Variants in ZMYM2 observed in about 807,000 individuals in gnomAD.
ZMYM2 encodes zinc finger MYM-type protein 2.
ZMYM2 carries 56 observed loss-of-function variants against 162.8 expected under a neutral mutation model. The ratio of observed to expected loss-of-function variants is 0.34; its 90% CI spans 0.28 to 0.43. The LOEUF is 0.43. Among genes scored for constraint, ZMYM2 ranks in the 20% least tolerant of loss-of-function variants. The pLI is 1.00. For missense variants in ZMYM2, 1,275 were observed against 1,621.8 expected (o/e 0.79, Z 3.67); for synonymous variants, 510 against 541.6 (o/e 0.94, Z 0.81).
At chr13:20,055,604 T>C (rs1281964166) in intron 14 of ZMYM2, among the ~76,000 whole-genome samples, 1 of 152,216 alleles carries the variant, frequency 6.6e-6, no homozygotes, top group African/African-American at 2.4e-5. Context: ...TAGAAAAGTT[T>C]CATTTAGGCA....
the ZMYM2 span, among the ~76,000 whole-genome samples, chr13:19,912,565 C>T: frequency 6.6e-6 from 1 of 152,094 alleles, no homozygotes; most frequent in Admixed American, 6.6e-5. Context: ...AACTCCTGGG[C>T]TTAAGTGATC....
At chr13:20,035,404 A>G (rs1237449491) in intron 11 of ZMYM2, among the ~76,000 whole-genome samples, 1 of 152,240 alleles carries the variant, frequency 6.6e-6, no homozygotes, top group African/African-American at 2.4e-5. Context: ...TGGAATGGAA[A>G]GTAACCATGT....
chr13:20,072,108 T>A (rs1446798961), intron 21 of ZMYM2: 1 of 160,032 alleles, frequency 6.2e-6, no homozygotes, highest in African/African-American at 2.4e-5. Context: ...CAGCCCCCTT[T>A]CTGGCCGGTT....
At chr13:19,897,556 T>TA in the ZMYM2 span, among the ~76,000 whole-genome samples, 176 of 134,250 alleles carry the variant, frequency 1.3e-3, no homozygotes, top group African/African-American at 4.0e-3. Flanking sequence ...CGCACAATAT[T>TA]AAAAAAAAAA....
chr13:20,021,732 C>T (rs1358577783), intron 7 of ZMYM2, among the ~76,000 whole-genome samples: 4 of 152,122 alleles, frequency 2.6e-5, no homozygotes, highest in Middle Eastern at 6.3e-3. Flanking sequence ...CTAATGCTTT[C>T]TTGTGGTTCT....
chr13:19,864,867 C>T, the ZMYM2 span: 1 of 152,282 alleles, frequency 6.6e-6, no homozygotes, highest in Non-Finnish European at 1.5e-5. Flanking sequence ...ACACCTACGT[C>T]TTCGGCGGAT....
chr13:20,054,112 C>T (rs545968045), intron 14 of ZMYM2, among the ~76,000 whole-genome samples: 20 of 152,248 alleles, frequency 1.3e-4, no homozygotes, highest in Admixed American at 3.3e-4. Flanking sequence ...ATAAAGTCCT[C>T]TCCCATCTTT....
chr13:20,015,061 T>A (rs1951510974), intron 6 of ZMYM2, among the ~76,000 whole-genome samples: 1 of 152,106 alleles, frequency 6.6e-6, no homozygotes. Flanking sequence ...GTGCCTGGAC[T>A]TACTTTCTTT....
the ZMYM2 span, among the ~76,000 whole-genome samples, chr13:19,906,981 A>T: frequency 3.1e-3 from 473 of 152,166 alleles, 2 homozygotes; most frequent in African/African-American, 0.011. Flanking sequence ...CTGCCTTGGC[A>T]TCCCAAAATG....
chr13:19,946,452 A>G, the ZMYM2 span, among the ~76,000 whole-genome samples: 1 of 152,210 alleles, frequency 6.6e-6, no homozygotes, highest in South Asian at 2.1e-4. Context: ...TGGTTCTTCT[A>G]AACAGTGGTT....
At chr13:19,991,108 T>C (rs1462823692) in intron 2 of ZMYM2, among the ~76,000 whole-genome samples, 2 of 149,442 alleles carry the variant, frequency 1.3e-5, no homozygotes, top group African/African-American at 2.4e-5. Context: ...TGTGTGTGTG[T>C]GTGTGTACGT....
In ZMYM2 at chr13:19,963,744, TATTA is replaced by T. The variant is rs201267450; in HGVS notation, c.-11+3722_-11+3725del. Among the ~76,000 whole-genome samples the T allele has an allele frequency of 3.1e-3, 470 of 152,262 alleles. 5 individuals carry two copies. Among genetic ancestry groups the T allele is most frequent in the African/African-American group, 0.011 (446 of 41,550 alleles). On this transcript the variant is annotated intron_variant, in intron 2 of 24. Coordinates refer to ENST00000610343, the MANE Select transcript of ZMYM2 (RefSeq NM_197968.4). Reference sequence around the variant, plus strand: ...GTTGTTTTTGTGCATATTTAAGATATATTAATTTTTTTTGGATCAAGCTTTACAC... The same window carrying T: ...GTTGTTTTTGTGCATATTTAAGATATATTTTTTTTGGATCAAGCTTTACAC...
chr13:19,874,397 T>C, the ZMYM2 span, among the ~76,000 whole-genome samples: 8 of 152,162 alleles, frequency 5.3e-5, no homozygotes, highest in South Asian at 1.2e-3. Flanking sequence ...TATTTATTTA[T>C]GTATTTATTT....
In ZMYM2 at chr13:20,036,887, A is replaced by T; in HGVS notation, c.2270A>T (p.Lys757Ile). The T allele has an allele frequency of 6.2e-7, 1 of 1,609,650 alleles. No individual in the cohort carries two copies. The highest frequency in any genetic ancestry group is 8.5e-7 in the Non-Finnish European group (1 of 1,178,124). The change falls in exon 12 of 25, where the codon AAA becomes ATA. Residue 757 changes from lysine (K) to isoleucine (I), a missense_variant. This residue lies in a region of ZMYM2 where 177 missense variants were observed against 228.0 expected (regional missense o/e 0.78). Transcript: ENST00000610343. ...TTCTGCAGTGAAGATTGCTGTAAAA[A>T]ATTTCAGGATTGGTACTACAAGGCG... Reference protein sequence around the residue: ...RDFCSEDCCKKFQDWYYKAAR... With the variant: ...RDFCSEDCCKIFQDWYYKAAR...
At chr13:19,922,914 C>T in the ZMYM2 span, among the ~76,000 whole-genome samples, 8 of 150,980 alleles carry the variant, frequency 5.3e-5, no homozygotes, top group African/African-American at 1.5e-4. Flanking sequence ...CCTAGTTACT[C>T]GGGAGGCTGA....
At chr13:19,918,920 T>A in the ZMYM2 span, among the ~76,000 whole-genome samples, 12 of 152,316 alleles carry the variant, frequency 7.9e-5, no homozygotes, top group South Asian at 2.5e-3. Context: ...TTTTGTCATA[T>A]CTGCAGATTA....
chr13:19,954,365 C>T (rs1314708054), upstream of ZMYM2, among the ~76,000 whole-genome samples: 1 of 151,860 alleles, frequency 6.6e-6, no homozygotes, highest in Admixed American at 6.6e-5. Flanking sequence ...ATCCGCCCGC[C>T]TCGGCCTCCC....
chr13:19,882,696 G>A, the ZMYM2 span, among the ~76,000 whole-genome samples: 2 of 152,226 alleles, frequency 1.3e-5, no homozygotes, highest in Admixed American at 1.3e-4. Context: ...GTAGTGAGCT[G>A]TGATTGTACC....
chr13:19,986,240 T>A (rs937539476), intron 2 of ZMYM2, among the ~76,000 whole-genome samples: 4 of 151,704 alleles, frequency 2.6e-5, no homozygotes, highest in African/African-American at 9.7e-5. Context: ...AAAGAAGGGA[T>A]AATTCTGTTT....
Sources: allele counts gnomAD v4.1 joint callset (sites outside exome capture counted in the v4.1 genomes callset), GRCh38; gene constraint gnomAD v4.1.1; regional missense constraint gnomAD v4.1.1; transcripts MANE v1.5; gene names NCBI Gene and HGNC (gene_info 2026-07-23, HGNC 2026-07-21).